Variants in XPO4 observed in about 807,000 individuals in gnomAD.
XPO4 encodes the protein exportin-4.
XPO4 carries 39 observed loss-of-function variants against 143.0 expected under a neutral mutation model. The observed-to-expected ratio is 0.27, with a 90% CI of 0.21 to 0.36. XPO4 has a LOEUF of 0.36. XPO4 is among the 10% of genes least tolerant of loss of function. The pLI, the probability that XPO4 is intolerant of heterozygous loss-of-function variation, is 1.00. For synonymous variants in XPO4, 439 were observed against 474.0 expected, an observed-to-expected ratio of 0.93 and a Z score of 0.96; for missense variants, 907 against 1,348.0, an observed-to-expected ratio of 0.67 and a Z score of 5.12.
chr13:20,823,943 C>G (rs562860214), intron 7 of XPO4, among the ~76,000 whole-genome samples: 13 of 152,192 alleles, frequency 8.5e-5, no homozygotes, highest in African/African-American at 2.2e-4. Flanking sequence ...TGAGCCACCA[C>G]GCCCGGCCAA....
chr13:20,848,109 C>T (rs190870770), intron 4 of XPO4: 41 of 428,722 alleles, frequency 9.6e-5, no homozygotes, highest in African/African-American at 8.0e-4. Context: ...TCTCAATCAT[C>T]CTTTGTTGTT....
chr13:20,805,197 G>A (rs1327875846), intron 13 of XPO4, among the ~76,000 whole-genome samples: 1 of 151,898 alleles, frequency 6.6e-6, no homozygotes, highest in Non-Finnish European at 1.5e-5. Flanking sequence ...TGCCCACATT[G>A]GCCTCCCAAA....
chr13:20,848,949 A>G, intron 4 of XPO4: 2 of 985,354 alleles, frequency 2.0e-6, no homozygotes, highest in Non-Finnish European at 2.4e-6. Flanking sequence ...AATTTAAGTA[A>G]CTCTTATCTT....
intron 1 of XPO4, chr13:20,902,239 C>T: frequency 5.1e-6 from 5 of 985,384 alleles, no homozygotes; most frequent in Non-Finnish European, 6.0e-6. Flanking sequence ...GGGTTGCTAA[C>T]AGCACCCAGG....
intron 4 of XPO4, chr13:20,849,463 GA>G: frequency 1.0e-6 from 1 of 983,986 alleles, no homozygotes. Context: ...TTTAAATACA[GA>G]TTAAAATTTT....
At chr13:20,882,077 T>C (rs1455889641) in intron 1 of XPO4, among the ~76,000 whole-genome samples, 2 of 130,236 alleles carry the variant, frequency 1.5e-5, no homozygotes, top group African/African-American at 3.1e-5. Context: ...ACCACTGCAC[T>C]CCAGCCTGGG....
At position 20,857,276 on chromosome 13, in the gene XPO4, A is replaced by G. The variant is rs112216042; in HGVS notation, c.318-1511T>C. ...CAAATGTACACAAACATAGTTTTAA[A>G]TATCTCTACTGGCAAGAATTAAAAT... On this transcript the variant is annotated intron_variant, in intron 3 of 22. Transcript: ENST00000255305. Among the ~76,000 whole-genome samples, 1,068 of 152,332 alleles carry G rather than the reference A, an allele frequency of 7.0e-3. 16 individuals are homozygous for G. Among genetic ancestry groups the G allele is most frequent in the African/African-American group, 0.019 (804 of 41,576 alleles).
chr13:20,864,703 T>C (rs1264439691), intron 2 of XPO4, among the ~76,000 whole-genome samples: 2 of 152,160 alleles, frequency 1.3e-5, no homozygotes, highest in Admixed American at 6.5e-5. Context: ...TTTTCTGCCC[T>C]TTGGAGGTGG....
At chr13:20,882,236 A>G (rs932278181) in intron 1 of XPO4, among the ~76,000 whole-genome samples, 1 of 152,146 alleles carries the variant, frequency 6.6e-6, no homozygotes, top group Non-Finnish European at 1.5e-5. Context: ...ATTACTATAA[A>G]GGAATACTTG....
At chr13:20,809,714 A>C (rs146379033) in intron 10 of XPO4, 77 bp downstream of exon 10, 790 of 1,436,646 alleles carry the variant, frequency 5.5e-4, no homozygotes, top group Non-Finnish European at 7.0e-4. Flanking sequence ...AATTTCTGGC[A>C]TTATATAATG....
chr13:20,858,922 G>GTGTATA (rs1469795977), intron 3 of XPO4, among the ~76,000 whole-genome samples: 1 of 148,724 alleles, frequency 6.7e-6, no homozygotes, highest in Non-Finnish European at 1.5e-5. Context: ...ATGTGTGTGT[G>GTGTATA]TATATATATA....
At chr13:20,786,387 G>C (rs572360604) in intron 22 of XPO4, among the ~76,000 whole-genome samples, 1 of 151,596 alleles carries the variant, frequency 6.6e-6, no homozygotes, top group South Asian at 2.1e-4. Context: ...GGGAAACAGA[G>C]GCAGCAAACT....
At chr13:20,785,684 C>T (rs369485501) in intron 22 of XPO4, among the ~76,000 whole-genome samples, 73 of 148,692 alleles carry the variant, frequency 4.9e-4, no homozygotes, top group African/African-American at 1.4e-3. Context: ...AAAAAAAAAG[C>T]GAGATAGTAG....
chr13:20,804,095 T>A (rs1039992420), intron 13 of XPO4, among the ~76,000 whole-genome samples: 2 of 151,478 alleles, frequency 1.3e-5, no homozygotes, highest in African/African-American at 4.9e-5. Context: ...GCAAAGCCCA[T>A]CTCCCCATCT....
intron 6 of XPO4, among the ~76,000 whole-genome samples, chr13:20,840,333 G>A (rs7319867): frequency 0.02 from 3,085 of 151,774 alleles, 81 homozygotes; most frequent in Middle Eastern, 0.075. Flanking sequence ...TCAGCCTCCC[G>A]AACAGCTGGG....
chr13:20,802,603 C>G (rs1348995290), intron 13 of XPO4, among the ~76,000 whole-genome samples: 1 of 152,176 alleles, frequency 6.6e-6, no homozygotes, highest in African/African-American at 2.4e-5. Context: ...AATTTATGCA[C>G]TGGAGTTTTA....
At chr13:20,878,990 T>TTAAAAA in intron 1 of XPO4, 1 of 646,264 alleles carries the variant, frequency 1.5e-6, no homozygotes, top group South Asian at 6.9e-5. Flanking sequence ...ACAAAATTTC[T>TTAAAAA]TAAAAATTTT....
At chr13:20,832,150 CAT>C (rs2059860716) in intron 6 of XPO4, among the ~76,000 whole-genome samples, 1 of 152,166 alleles carries the variant, frequency 6.6e-6, no homozygotes, top group Non-Finnish European at 1.5e-5. Context: ...CAGAGACAAA[CAT>C]ATACCAGGCC....
At chr13:20,859,312 A>T (rs1321900911) in intron 3 of XPO4, among the ~76,000 whole-genome samples, 1 of 151,820 alleles carries the variant, frequency 6.6e-6, no homozygotes, top group Non-Finnish European at 1.5e-5. Flanking sequence ...TAAAAATACA[A>T]AAATTAGGCC....
Sources: allele counts gnomAD v4.1 joint callset (sites outside exome capture counted in the v4.1 genomes callset), GRCh38; gene constraint gnomAD v4.1.1; transcripts MANE v1.5; gene names NCBI Gene and HGNC (gene_info 2026-07-23, HGNC 2026-07-21).